Variants in TMEM182 observed in about 807,000 individuals in gnomAD.
TMEM182 encodes transmembrane protein 182.
Under a neutral mutation model 26.8 loss-of-function variants are expected in TMEM182, and 20 were observed. That is an observed-to-expected ratio of 0.75 (90% CI 0.53 to 1.09). The LOEUF (loss-of-function observed/expected upper bound fraction) is 1.09, where lower values mean the gene tolerates loss of function less well. Among genes scored for constraint, TMEM182 ranks in the 50% least tolerant of loss-of-function variants. The pLI, the probability that TMEM182 is intolerant of heterozygous loss-of-function variation, is 0.00. For missense variants in TMEM182, 277 were observed against 275.5 expected (o/e 1.01, Z -0.04); for synonymous variants, 109 against 102.2 (o/e 1.07, Z -0.40).
chr2:102,795,509 C>T (rs1474515698), intron 3 of TMEM182, among the ~76,000 whole-genome samples: 1 of 152,170 alleles, frequency 6.6e-6, no homozygotes, highest in African/African-American at 2.4e-5. Flanking sequence ...GTGGCAGTTT[C>T]AATTTTAATT....
chr2:102,837,758 A>C (rs1683273781), intron 3 of TMEM182, among the ~76,000 whole-genome samples: 1 of 151,840 alleles, frequency 6.6e-6, no homozygotes, highest in Non-Finnish European at 1.5e-5. Context: ...GTCTAGCTGC[A>C]CTCTCCTGCT....
chr2:102,794,038 C>G (rs566792772), intron 3 of TMEM182, among the ~76,000 whole-genome samples: 1 of 152,182 alleles, frequency 6.6e-6, no homozygotes, highest in African/African-American at 2.4e-5. Flanking sequence ...TGACTGCACT[C>G]CAGCCTGTAT....
At position 102,738,517 on chromosome 2, in the gene TMEM182, G is replaced by A. The variant is rs367609100; in HGVS notation, c.-83+1504G>A. Among the ~76,000 whole-genome samples, 191 of 152,182 alleles carry A rather than the reference G, an allele frequency of 1.3e-3. 1 individual carries two copies. Among genetic ancestry groups the A allele is most frequent in the African/African-American group, 3.9e-3 (160 of 41,528 alleles). On this transcript the variant is annotated intron_variant, in intron 1 of 5. Coordinates refer to the TMEM182 transcript ENST00000409173. ...GGCTGAGGCAGGAGAGCTTGAACCC[G>A]GGAGGCAGAGGTTGCAGTGAGCTGA... is the stretch of plus-strand genomic sequence containing the variant.
At chr2:102,771,440 A>G (rs1680668305) in intron 3 of TMEM182, among the ~76,000 whole-genome samples, 1 of 152,182 alleles carries the variant, frequency 6.6e-6, no homozygotes, top group African/African-American at 2.4e-5. Context: ...TCTTGAGGGT[A>G]GAGTTGGCTT....
intron 1 of TMEM182, among the ~76,000 whole-genome samples, chr2:102,753,598 T>C (rs1679944074): frequency 6.6e-6 from 1 of 152,186 alleles, no homozygotes; most frequent in African/African-American, 2.4e-5. Flanking sequence ...CTAGAACTCC[T>C]GGGCTCAAAA....
chr2:102,806,131 T>A (rs1446313256), intron 4 of TMEM182, among the ~76,000 whole-genome samples: 1 of 152,228 alleles, frequency 6.6e-6, no homozygotes, highest in East Asian at 1.9e-4. Flanking sequence ...AACTAACTAG[T>A]AGTGAGTGGC....
chr2:102,815,243 G>T lies in TMEM182; in HGVS notation c.*275G>T. 8.4e-7 allele frequency: 1 copy of T among 1,191,886 alleles called. No individual in the cohort carries two copies. The highest frequency in any genetic ancestry group is 1.0e-6 in the Non-Finnish European group (1 of 958,798). 73.8% of individuals were successfully genotyped at this position (1,191,886 alleles called of 1,614,324 possible). On this transcript the variant is annotated 3_prime_UTR_variant, in exon 5 of 5. Coordinates refer to ENST00000412401, the MANE Select transcript of TMEM182 (RefSeq NM_144632.5). Reference sequence around the variant, plus strand: ...TTTCATTGAACATGTTAGAGTTCATGCAGGTCGCAAAGGCCTGATAATAGC... The same window carrying T: ...TTTCATTGAACATGTTAGAGTTCATTCAGGTCGCAAAGGCCTGATAATAGC...
At chr2:102,834,635 G>A (rs1431658503) in intron 3 of TMEM182, among the ~76,000 whole-genome samples, 1 of 152,202 alleles carries the variant, frequency 6.6e-6, no homozygotes, top group African/African-American at 2.4e-5. Flanking sequence ...GGCTGTGACA[G>A]TGCAGAGTGG....
chr2:102,814,752 C>T lies in TMEM182; in HGVS notation c.474C>T (p.Ile158=). ...AGGGSYIAAG[I]LFSLVVMLYV... ...CTTCTGTTTCATCCTTCTCAGGCAT[C>T]CTATTTTCATTGGTGGTGATGCTGT... Residue 158 remains isoleucine (I), a synonymous_variant, in exon 5 of 5, where the codon ATC becomes ATT. Coordinates refer to ENST00000412401, the MANE Select transcript of TMEM182 (RefSeq NM_144632.5). 1 of 1,612,726 alleles carries T rather than the reference C, an allele frequency of 6.2e-7. No homozygotes were observed. Among genetic ancestry groups the T allele is most frequent in the East Asian group, 2.2e-5 (1 of 44,844 alleles).
rs770494098 is a variant in TMEM182 at position 102,814,900 on chromosome 2, A to T, written c.622A>T (p.Ile208Leu). The T allele has an allele frequency of 6.2e-7, 1 of 1,613,886 alleles. No individual in the cohort carries two copies. The highest frequency in any genetic ancestry group is 8.5e-7 in the Non-Finnish European group (1 of 1,179,948). ...GWSFFLAPAG[I>L]FFSLLAGLLF... is the part of the protein sequence containing the mutation. ...GTCATTTTTCCTGGCCCCAGCTGGG[A>T]TATTTTTTTCTTTGCTAGCTGGATT... The change falls in exon 5 of 5, where the codon ATA (isoleucine) becomes TTA (leucine). Residue 208 changes from isoleucine (I) to leucine (L), a missense_variant. By Grantham distance (5) the Ile-to-Leu change is conservative. Coordinates refer to ENST00000412401, the MANE Select transcript of TMEM182 (RefSeq NM_144632.5).
chr2:102,778,650 T>A (rs1681031273), intron 3 of TMEM182, among the ~76,000 whole-genome samples: 1 of 152,130 alleles, frequency 6.6e-6, no homozygotes, highest in East Asian at 1.9e-4. Context: ...CTTGAGTGTA[T>A]CTCTTTGTAT....
intron 1 of TMEM182, among the ~76,000 whole-genome samples, chr2:102,752,103 G>T (rs1679891097): frequency 6.6e-6 from 1 of 152,152 alleles, no homozygotes; most frequent in Admixed American, 6.5e-5. Flanking sequence ...ATTTTAGAGG[G>T]ACAGGATTTA....
upstream of TMEM182, chr2:102,761,906 A>C: frequency 3.6e-6 from 1 of 281,154 alleles, no homozygotes. Context: ...CTCTATAGTC[A>C]AGAGAAGGTC....
chr2:102,744,372 CTT>C (rs1679627861), intron 1 of TMEM182, among the ~76,000 whole-genome samples: 2 of 152,118 alleles, frequency 1.3e-5, no homozygotes, highest in South Asian at 4.1e-4. Context: ...GAAAATGTAA[CTT>C]ATCAAAATTT....
chr2:102,787,458 T>A (rs1681445635), intron 3 of TMEM182, among the ~76,000 whole-genome samples: 2 of 152,228 alleles, frequency 1.3e-5, no homozygotes, highest in South Asian at 4.1e-4. Flanking sequence ...TAAATTTATT[T>A]ACTTCCTCAA....
At chr2:102,818,843 G>A (rs1682842015), downstream of TMEM182, among the ~76,000 whole-genome samples, 1 of 151,738 alleles carries the variant, frequency 6.6e-6, no homozygotes, top group Non-Finnish European at 1.5e-5. Flanking sequence ...TCTATACATT[G>A]TCTATATAAG....
chr2:102,745,819 T>C (rs1291379136), intron 1 of TMEM182, among the ~76,000 whole-genome samples: 2 of 152,210 alleles, frequency 1.3e-5, no homozygotes, highest in African/African-American at 2.4e-5. Context: ...ACGTTCCACT[T>C]ATGGATATAC....
At chr2:102,793,580 TA>T (rs1046981103) in intron 3 of TMEM182, among the ~76,000 whole-genome samples, 1 of 152,176 alleles carries the variant, frequency 6.6e-6, no homozygotes. Context: ...GTCCCTGATA[TA>T]AAATGGCATA....
intron 3 of TMEM182, among the ~76,000 whole-genome samples, chr2:102,781,358 T>C (rs894564764): frequency 1.3e-5 from 2 of 152,170 alleles, no homozygotes; most frequent in Non-Finnish European, 2.9e-5. Context: ...TTTAAGAAGA[T>C]GATTTGCAGT....
Sources: gnomAD v4.1 joint callset for allele counts (sites outside exome capture counted in the v4.1 genomes callset) on GRCh38, gnomAD v4.1.1 for gene constraint, MANE v1.5 for transcripts, NCBI Gene and HGNC (gene_info 2026-07-23, HGNC 2026-07-21) for gene names.